The following SCGB3A1 variants were observed in gnomAD, a reference collection of about 807,000 sequenced individuals.
SCGB3A1 encodes secretoglobin family 3A member 1.
Under a neutral mutation model 7.6 loss-of-function variants are expected in SCGB3A1, and 7 were observed. That is an observed-to-expected ratio of 0.93 (90% CI 0.53 to 1.74). SCGB3A1 has a LOEUF of 1.74. Among genes scored for constraint, SCGB3A1 ranks in the 40% most tolerant of loss-of-function variants. The pLI is 0.00. For synonymous variants in SCGB3A1, 67 were observed against 66.6 expected (o/e 1.01, Z -0.03); for missense variants, 119 against 129.0 (o/e 0.92, Z 0.38).
At position 180,590,259 on chromosome 5, in the gene SCGB3A1, A is replaced by G; in HGVS notation, c.292-5T>C. On this transcript the variant is annotated splice_polypyrimidine_tract_variant and splice_region_variant and intron_variant, in intron 2 of 2. Transcript: ENST00000292641. The stretch of plus-strand genomic sequence containing the variant: ...GCCAAACACTGTCAGGGCCCCCTGG[A>G]AAGCAGAAGCCGAGCTTGAGTGCCC... The G allele has an allele frequency of 6.3e-7, 1 of 1,580,098 alleles. No individual in the cohort carries two copies.
chr5:180,591,389 G>T (rs1451503747), intron 1 of SCGB3A1, 22 bp downstream of exon 1: 5 of 1,222,738 alleles, frequency 4.1e-6, no homozygotes, highest in Admixed American at 4.3e-5. Flanking sequence ...CACCGTGCGC[G>T]CCAGGAGCCC....
chr5:180,591,364 C>T, intron 1 of SCGB3A1, 47 bp downstream of exon 1: 1 of 1,201,570 alleles, frequency 8.3e-7, no homozygotes, highest in Non-Finnish European at 1.0e-6. Flanking sequence ...CAGCGGGCGC[C>T]GAGGCCTCAG....
intron 2 of SCGB3A1, 74 bp from the exon 3 acceptor site, chr5:180,590,328 C>T: frequency 6.5e-7 from 1 of 1,542,448 alleles, no homozygotes; most frequent in South Asian, 1.2e-5. Flanking sequence ...CGGCAGCGGC[C>T]GGCTCTGTGG....
At chr5:180,591,211 C>G in intron 1 of SCGB3A1, 200 bp downstream of exon 1, 1 of 412,040 alleles carries the variant, frequency 2.4e-6, no homozygotes, top group East Asian at 3.9e-5. Flanking sequence ...CGGCCTCCAT[C>G]CCGGCACGAG....
At chr5:180,591,051 A>G (rs963124607) in intron 1 of SCGB3A1, 4 of 522,670 alleles carry the variant, frequency 7.7e-6, no homozygotes, top group African/African-American at 6.1e-5. Flanking sequence ...CTGCAGGGTC[A>G]CCGGAGTGGC....
chr5:180,590,512 C>T (rs1365928275), intron 2 of SCGB3A1, 88 bp downstream of exon 2: 7 of 1,117,458 alleles, frequency 6.3e-6, no homozygotes, highest in Non-Finnish European at 9.0e-6. Context: ...ACAGCCCTGA[C>T]GTAGGGCCGG....
intron 1 of SCGB3A1, chr5:180,591,210 T>A: frequency 4.9e-6 from 2 of 406,648 alleles, no homozygotes; most frequent in Non-Finnish European, 8.3e-6. Flanking sequence ...GCGGCCTCCA[T>A]CCCGGCACGA....
chr5:180,590,411 C>A (rs1761290089), intron 2 of SCGB3A1, among the ~76,000 whole-genome samples, 157 bp from the exon 3 acceptor site: 1 of 152,218 alleles, frequency 6.6e-6, no homozygotes, highest in African/African-American at 2.4e-5. Context: ...TCCGCCTTCC[C>A]CGCCCCTGCA....
Position 180,591,270 on chromosome 5 carries a change from C to CCG in SCGB3A1, c.52+140_52+141insCG, listed in dbSNP as rs1448132094. On this transcript the variant is annotated intron_variant, in intron 1 of 2. Coordinates refer to ENST00000292641, the MANE Select transcript of SCGB3A1 (RefSeq NM_052863.3). Reference sequence around the variant, plus strand: ...GAGGCCGCGGGCTGCAGGCGCGGGGCCCCGGGGTGGCGGAGCCCTCTGGGC... The same window carrying CCG: ...GAGGCCGCGGGCTGCAGGCGCGGGGCCGCCCGGGGTGGCGGAGCCCTCTGGGC... 9.4e-6 allele frequency: 6 copies of CCG among 640,678 alleles called. No homozygotes were observed. The East Asian group carries it at 1.9e-4, about 20-fold the overall frequency. 39.7% of individuals were successfully genotyped at this position (640,678 alleles called of 1,614,324 possible). A position where few individuals can be genotyped will look rare whatever the true frequency, so the allele number is the denominator to read the frequency against.
In SCGB3A1 at chr5:180,590,777, C is replaced by G; in HGVS notation, c.114G>C (p.Ser38=). 6.3e-7 allele frequency: 1 copy of G among 1,594,564 alleles called. No individual in the cohort carries two copies. Among genetic ancestry groups the G allele is most frequent in the Non-Finnish European group, 8.5e-7 (1 of 1,171,226 alleles). The change falls in exon 2 of 3, where the codon TCG becomes TCC. Residue 38 remains serine (S), a synonymous_variant. Coordinates refer to ENST00000292641, the MANE Select transcript of SCGB3A1 (RefSeq NM_052863.3). The part of the protein sequence containing the change: ...PVAQPVAALE[S]AAEAGAGTLA... The stretch of plus-strand genomic sequence containing the variant: ...GGGTCCCGGCCCCGGCCTCCGCCGC[C>G]GACTCCAGCGCAGCGACAGGCTGGG...
At position 180,590,774 on chromosome 5, in the gene SCGB3A1, C is replaced by A. The variant is rs749540547; in HGVS notation, c.117G>T (p.Ala39=). The A allele has an allele frequency of 6.3e-7, 1 of 1,592,512 alleles. No individual in the cohort carries two copies. Among genetic ancestry groups the A allele is most frequent in the Non-Finnish European group, 8.5e-7 (1 of 1,170,230 alleles). ...CCAGGGTCCCGGCCCCGGCCTCCGCCGCCGACTCCAGCGCAGCGACAGGCT... is the reference window on the plus strand; with the variant it reads ...CCAGGGTCCCGGCCCCGGCCTCCGCAGCCGACTCCAGCGCAGCGACAGGCT... ...VAQPVAALES[A]AEAGAGTLAN... Residue 39 remains alanine (A), a synonymous_variant, in exon 2 of 3, where the codon GCG becomes GCT. Coordinates refer to ENST00000292641, the MANE Select transcript of SCGB3A1 (RefSeq NM_052863.3).
chr5:180,591,171 G>T, intron 1 of SCGB3A1: 3 of 406,824 alleles, frequency 7.4e-6, no homozygotes, highest in South Asian at 9.2e-5. Context: ...TCTCCAGACG[G>T]GGGGCAGACG....
rs1023951046 is a variant in SCGB3A1 at position 180,590,115 on chromosome 5, C to T, written c.*116G>A. 16 of 1,205,810 alleles carry T rather than the reference C, an allele frequency of 1.3e-5. No individual in the cohort carries two copies. The highest frequency in any genetic ancestry group is 1.8e-5 in the Non-Finnish European group (15 of 833,062). The allele number at this position is 1,205,810 out of a possible 1,614,324, so 74.7% of individuals were successfully genotyped here. Reference sequence around the variant, plus strand: ...ATACCAGGCTCGAGCTGCTCTTAACCACGTTTATTGAGAGGGGCCGGGGGA... The same window carrying T: ...ATACCAGGCTCGAGCTGCTCTTAACTACGTTTATTGAGAGGGGCCGGGGGA... On this transcript the variant is annotated 3_prime_UTR_variant, in exon 3 of 3. Transcript: ENST00000292641.
chr5:180,590,315 G>A, intron 2 of SCGB3A1, 61 bp from the exon 3 acceptor site: 3 of 1,550,242 alleles, frequency 1.9e-6, no homozygotes, highest in South Asian at 2.4e-5. Context: ...TCAGGCGGGG[G>A]CGCGGCAGCG....
rs1438526639 is a variant in SCGB3A1, at chr5:180,590,222, A to G, written c.*9T>C. Reference sequence around the variant, plus strand: ...TCTTGTCCTCAGGTGTAGATGCTCCAGTCTCGGCTCAGCCAAACACTGTCA... The same window carrying G: ...TCTTGTCCTCAGGTGTAGATGCTCCGGTCTCGGCTCAGCCAAACACTGTCA... On this transcript the variant is annotated 3_prime_UTR_variant, in exon 3 of 3. Coordinates refer to ENST00000292641, the MANE Select transcript of SCGB3A1 (RefSeq NM_052863.3). 3 of 1,581,848 alleles carry G rather than the reference A, an allele frequency of 1.9e-6. No individual in the cohort carries two copies. The African/African-American group carries it at 4.0e-5, about 21-fold the overall frequency.
rs1217127678 is a variant in SCGB3A1 at position 180,591,414 on chromosome 5, A to C, written c.49T>G (p.Ser17Ala). 8.2e-7 allele frequency: 1 copy of C among 1,226,360 alleles called. No homozygotes were observed. The highest frequency in any genetic ancestry group is 1.0e-6 in the Non-Finnish European group (1 of 984,612). 76.0% of individuals were successfully genotyped at this position (1,226,360 alleles called of 1,614,324 possible). Residue 17 changes from serine (S) to alanine (A), a missense_variant, in exon 1 of 3, where the codon TCC becomes GCC. Coordinates refer to ENST00000292641, the MANE Select transcript of SCGB3A1 (RefSeq NM_052863.3). ...LGLCVALSCS[S>A]AAAFLVGSAK... is the part of the protein sequence containing the mutation. ...GCCAGGAGCCCGGGGCGCTCACCGG[A>C]GCTGCAGGACAGGGCCACGCAGAGC...
In SCGB3A1 at chr5:180,591,467, C is replaced by G; in HGVS notation, c.-5G>C. 8.1e-7 allele frequency: 1 copy of G among 1,228,394 alleles called. No homozygotes were observed. The highest frequency in any genetic ancestry group is 1.0e-6 in the Non-Finnish European group (1 of 985,808). 76.1% of individuals were successfully genotyped at this position (1,228,394 alleles called of 1,614,324 possible). A position where few individuals can be genotyped will look rare whatever the true frequency, so the allele number is the denominator to read the frequency against. The stretch of plus-strand genomic sequence containing the variant: ...CAGGAGGGCGGCGAGCTTCATGGCG[C>G]GGGGGCTCGGGGCGCGCGGGGAACC... On this transcript the variant is annotated 5_prime_UTR_variant, in exon 1 of 3. Coordinates refer to ENST00000292641, the MANE Select transcript of SCGB3A1 (RefSeq NM_052863.3).
In SCGB3A1 at chr5:180,590,195, C is replaced by G. The variant is rs375543558; in HGVS notation, c.*36G>C. On this transcript the variant is annotated 3_prime_UTR_variant, in exon 3 of 3. Coordinates refer to ENST00000292641, the MANE Select transcript of SCGB3A1 (RefSeq NM_052863.3). Reference sequence around the variant, plus strand: ...GTTTTCAGCCCTCGCGGGTGGGCAGCGTCTTGTCCTCAGGTGTAGATGCTC... The same window carrying G: ...GTTTTCAGCCCTCGCGGGTGGGCAGGGTCTTGTCCTCAGGTGTAGATGCTC... 6.4e-7 allele frequency: 1 copy of G among 1,573,844 alleles called. No homozygotes were observed. The highest frequency in any genetic ancestry group is 1.3e-5 in the African/African-American group (1 of 74,612).
intron 1 of SCGB3A1, 144 bp downstream of exon 1, chr5:180,591,267 G>T (rs1289266764): frequency 3.2e-6 from 2 of 631,456 alleles, no homozygotes; most frequent in Non-Finnish European, 4.5e-6. Context: ...TGCAGGCGCG[G>T]GGCCCCGGGG....
Sources: allele counts gnomAD v4.1 joint callset (sites outside exome capture counted in the v4.1 genomes callset), GRCh38; gene constraint gnomAD v4.1.1; transcripts MANE v1.5; gene names NCBI Gene and HGNC (gene_info 2026-07-23, HGNC 2026-07-21).